The following PLXNA1 variants were observed in gnomAD, a reference collection of about 807,000 sequenced individuals.
The protein encoded by PLXNA1 is plexin A1.
A neutral mutation model predicts 191.7 loss-of-function variants in PLXNA1; 77 were observed. That is an observed-to-expected ratio of 0.40 (90% CI 0.33 to 0.49). The LOEUF (loss-of-function observed/expected upper bound fraction) is 0.49. PLXNA1 is among the 20% of genes least tolerant of loss of function. The pLI is 0.63. For missense variants in PLXNA1, 2,110 were observed against 2,660.2 expected (o/e 0.79, Z 4.55); for synonymous variants, 1,137 against 1,156.4 (o/e 0.98, Z 0.34).
chr3:127,007,284 C>G (rs574165256), intron 8 of PLXNA1, among the ~76,000 whole-genome samples: 1 of 152,162 alleles, frequency 6.6e-6, no homozygotes. Flanking sequence ...CTGGCAGACC[C>G]TGGGGTGTGT....
At position 127,005,159 on chromosome 3, in the gene PLXNA1, G is replaced by A. The variant is rs2079060043; in HGVS notation, c.1813G>A (p.Glu605Lys). The part of the protein sequence containing the change: ...GVNCSFEDFT[E>K]SESVLEDGRI... Reference sequence around the variant, plus strand: ...CAACTGCTCCTTCGAGGACTTCACGGAATCTGAGAGCGTCCTGGAGGATGG... The same window carrying A: ...CAACTGCTCCTTCGAGGACTTCACGAAATCTGAGAGCGTCCTGGAGGATGG... Residue 605 changes from glutamate (E) to lysine (K), a missense_variant, in exon 7 of 32, where the codon GAA becomes AAA. Physicochemically the swap from Glu to Lys is moderately conservative, Grantham distance 56 (BLOSUM62 1). This residue lies in a region of PLXNA1 where 903 missense variants were observed against 1,015.7 expected (regional missense o/e 0.89). Transcript: ENST00000393409. 6.2e-7 allele frequency: 1 copy of A among 1,612,684 alleles called. No homozygotes were observed. The highest frequency in any genetic ancestry group is 8.5e-7 in the Non-Finnish European group (1 of 1,179,914).
At position 127,028,995 on chromosome 3, in the gene PLXNA1, T is replaced by C. The variant is rs373357351; in HGVS notation, c.4672T>C (p.Trp1558Arg). 6.2e-7 allele frequency: 1 copy of C among 1,610,208 alleles called. No homozygotes were observed. Among genetic ancestry groups the C allele is most frequent in the Non-Finnish European group, 8.5e-7 (1 of 1,179,026 alleles). Residue 1558 changes from tryptophan (W) to arginine (R), a missense_variant and splice_region_variant, in exon 26 of 32, where the codon TGG becomes CGG. By Grantham distance (101) the Trp-to-Arg change is moderately radical (BLOSUM62 -3). Transcript: ENST00000393409. The stretch of plus-strand genomic sequence containing the variant: ...CCTCCAGCTCCCTCCTCCCCCAGAG[T>C]GGCGCCAGGGCCGCATGGCGCGCAT... ...RPKAADMDLE[W>R]RQGRMARIIL...
In PLXNA1 at chr3:127,029,516, C is replaced by T. The variant is rs945687076; in HGVS notation, c.4850C>T (p.Thr1617Ile). Reference protein sequence around the residue: ...AYNISNSSTFTKSLSRYESML... With the variant: ...AYNISNSSTFIKSLSRYESML... ...AACATCTCCAACTCCTCCACCTTCACCAAGTCCCTCAGCAGATACGGTGAG... is the reference window on the plus strand; with the variant it reads ...AACATCTCCAACTCCTCCACCTTCATCAAGTCCCTCAGCAGATACGGTGAG... Residue 1617 changes from threonine to isoleucine, a missense_variant, in exon 27 of 32, where the codon ACC becomes ATC. Around this residue, in one of 4 missense-constraint regions of PLXNA1, gnomAD observed 559 missense variants for 911.5 expected, o/e 0.61. Coordinates refer to ENST00000393409, the MANE Select transcript of PLXNA1 (RefSeq NM_032242.4). The T allele has an allele frequency of 6.2e-7, 1 of 1,613,922 alleles. No homozygotes were observed. The highest frequency in any genetic ancestry group is 8.5e-7 in the Non-Finnish European group (1 of 1,179,948).
Position 127,016,905 on chromosome 3 carries a change from G to T in PLXNA1, c.3183-39G>T, listed in dbSNP as rs1483605071. 1.9e-6 allele frequency: 3 copies of T among 1,544,298 alleles called. No homozygotes were observed. In the East Asian group the frequency reaches 6.7e-5, roughly 35 times the overall value. On this transcript the variant is annotated intron_variant, in intron 16 of 31. Transcript: ENST00000393409. The stretch of plus-strand genomic sequence containing the variant: ...CACGTTTCCAGCTCACTGGGCCCCA[G>T]CATCATTTGGTGACCCCCCCACCCC...
chr3:127,029,246 C>T, intron 26 of PLXNA1, 150 bp downstream of exon 26: 1 of 803,800 alleles, frequency 1.2e-6, no homozygotes. Context: ...TGTGGACCGT[C>T]CCAGGACTCG....
rs116342901 is a variant in PLXNA1 at position 126,991,494 on chromosome 3, C to G, written c.1305C>G (p.Thr435=). The change falls in exon 3 of 32, where the codon ACC becomes ACG. Residue 435 remains threonine (T), a synonymous_variant. Coordinates refer to ENST00000393409, the MANE Select transcript of PLXNA1 (RefSeq NM_032242.4). ...PLFVDKDDGL[T]AVAAYDYRGR... is the part of the protein sequence containing the mutation. ...TCGTGGACAAGGATGATGGCCTGAC[C>G]GCCGTGGCTGCCTATGACTATCGGG... 1 of 1,612,414 alleles carries G rather than the reference C, an allele frequency of 6.2e-7. No individual in the cohort carries two copies. Among genetic ancestry groups the G allele is most frequent in the South Asian group, 1.1e-5 (1 of 91,020 alleles).
intron 4 of PLXNA1, 99 bp downstream of exon 4, chr3:127,003,569 T>C (rs572282853): frequency 3.0e-6 from 4 of 1,323,196 alleles, no homozygotes; most frequent in Admixed American, 2.3e-5. Context: ...CATCACAAGT[T>C]GGGCGTCCAT....
chr3:126,989,859 G>A (rs905276184), intron 2 of PLXNA1, 72 bp downstream of exon 2: 1 of 1,312,978 alleles, frequency 7.6e-7, no homozygotes. Flanking sequence ...GGTGTCAGAT[G>A]CACGCCCAGT....
chr3:127,017,231 G>C (rs1219985414), intron 17 of PLXNA1, among the ~76,000 whole-genome samples, 194 bp downstream of exon 17: 2 of 152,362 alleles, frequency 1.3e-5, no homozygotes, highest in East Asian at 1.9e-4. Context: ...GCTCTGGGTT[G>C]CTGGCTGCAC....
At position 126,989,207 on chromosome 3, in the gene PLXNA1, G is replaced by T. The variant is rs147104661; in HGVS notation, c.614G>T (p.Arg205Leu). Residue 205 changes from arginine (R) to leucine (L), a missense_variant, in exon 2 of 32, where the codon CGG becomes CTG. Arg to Leu is a moderately radical substitution (Grantham distance 102). Around this residue, in one of 4 missense-constraint regions of PLXNA1, gnomAD observed 903 missense variants for 1,015.7 expected, o/e 0.89. Coordinates refer to ENST00000393409, the MANE Select transcript of PLXNA1 (RefSeq NM_032242.4). ...SEYFPTLSSR[R>L]LMANEEDADM... The stretch of plus-strand genomic sequence containing the variant: ...TACTTCCCCACACTGTCCAGCCGTC[G>T]GCTCATGGCCAACGAGGAGGATGCC... 1 of 1,613,624 alleles carries T rather than the reference G, an allele frequency of 6.2e-7. No individual in the cohort carries two copies. Among genetic ancestry groups the T allele is most frequent in the South Asian group, 1.1e-5 (1 of 91,088 alleles).
At chr3:127,022,646 G>A in intron 22 of PLXNA1, 106 bp from the exon 23 acceptor site, 2 of 961,180 alleles carry the variant, frequency 2.1e-6, no homozygotes, top group Non-Finnish European at 3.2e-6. Context: ...GGTGCTGTAG[G>A]AAGGGGGGCA....
Position 126,988,963 on chromosome 3 carries a change from G to A in PLXNA1, c.370G>A (p.Ala124Thr), listed in dbSNP as rs367975178. The A allele has an allele frequency of 2.5e-6, 4 of 1,613,198 alleles. No individual in the cohort carries two copies. Among genetic ancestry groups the A allele is most frequent in the East Asian group, 2.2e-5 (1 of 44,882 alleles). ...VNKLLLLDYAANRLLACGSAS... is the reference protein window; with the variant it reads ...VNKLLLLDYATNRLLACGSAS... Reference sequence around the variant, plus strand: ...CAAGCTGCTGCTGCTGGACTATGCCGCTAACCGCCTGCTGGCCTGTGGCAG... The same window carrying A: ...CAAGCTGCTGCTGCTGGACTATGCCACTAACCGCCTGCTGGCCTGTGGCAG... The change falls in exon 2 of 32, where the codon GCT becomes ACT. Residue 124 changes from alanine (A) to threonine (T), a missense_variant. Transcript: ENST00000393409.
Position 127,036,971 on chromosome 3 carries a change from G to C in PLXNA1, c.*2954G>C, listed in dbSNP as rs1330442446. The C allele has an allele frequency of 6.6e-6, 1 of 152,334 alleles. No homozygotes were observed. The highest frequency in any genetic ancestry group is 1.5e-5 in the Non-Finnish European group (1 of 68,056). 9.4% of individuals were successfully genotyped at this position (152,334 alleles called of 1,614,324 possible). A position where few individuals can be genotyped will look rare whatever the true frequency, so the allele number is the denominator to read the frequency against. On this transcript the variant is annotated 3_prime_UTR_variant, in exon 32 of 32. Transcript: ENST00000393409. Reference sequence around the variant, plus strand: ...AGGACCACTGGCCCCTTGGCCTGAGGGGCTGGGGGCCCCACGACCTGCAGC... The same window carrying C: ...AGGACCACTGGCCCCTTGGCCTGAGCGGCTGGGGGCCCCACGACCTGCAGC...
rs977545394 is a variant in PLXNA1, at chr3:126,983,294, C to T, written c.-74+7C>T. Among the ~76,000 whole-genome samples the T allele has an allele frequency of 7.0e-6, 1 of 142,082 alleles. No homozygotes were observed. The highest frequency in any genetic ancestry group is 1.6e-5 in the Non-Finnish European group (1 of 64,468). 93.2% of individuals were successfully genotyped at this position (142,082 alleles called of 152,430 possible). A position where few individuals can be genotyped will look rare whatever the true frequency, so the allele number is the denominator to read the frequency against. ...GCGCGCCCCGGGGCGGCGGGTGAGTCGGGGCGCAACTTTCCCCGCGGCGCG... is the reference window on the plus strand; with the variant it reads ...GCGCGCCCCGGGGCGGCGGGTGAGTTGGGGCGCAACTTTCCCCGCGGCGCG... On this transcript the variant is annotated splice_region_variant and intron_variant, in intron 1 of 31. Transcript: ENST00000393409.
In PLXNA1 at chr3:127,029,540, AG is replaced by A; in HGVS notation, c.4870+8del. ...ACCAAGTCCCTCAGCAGATACGGTG[AG>A]GGGCCAGGCAGCGGGCGAGAGGGCA... On this transcript the variant is annotated splice_donor_5th_base_variant and intron_variant, in intron 27 of 31. Coordinates refer to ENST00000393409, the MANE Select transcript of PLXNA1 (RefSeq NM_032242.4). The A allele has an allele frequency of 4.3e-6, 7 of 1,613,398 alleles. No individual in the cohort carries two copies. The highest frequency in any genetic ancestry group is 5.9e-6 in the Non-Finnish European group (7 of 1,179,708).
intron 20 of PLXNA1, among the ~76,000 whole-genome samples, 166 bp downstream of exon 20, chr3:127,018,694 G>C (rs992327935): frequency 6.6e-6 from 1 of 152,246 alleles, no homozygotes; most frequent in Middle Eastern, 3.2e-3. Flanking sequence ...GTGGGCGGGT[G>C]CCTGACCAGG....
chr3:127,031,763 G>C (rs2079212693), intron 29 of PLXNA1: 1 of 152,910 alleles, frequency 6.5e-6, no homozygotes, highest in African/African-American at 2.4e-5. Context: ...CAGGGACGCA[G>C]TGTCTCCAGG....
In PLXNA1 at chr3:127,036,526, C is replaced by A. The variant is rs1243852123; in HGVS notation, c.*2509C>A. ...TCAAGCCGACTACCTGTGCTGTCTA[C>A]TGGGACAGCAGTCTCCGAGCTACTC... On this transcript the variant is annotated 3_prime_UTR_variant, in exon 32 of 32. Coordinates refer to ENST00000393409, the MANE Select transcript of PLXNA1 (RefSeq NM_032242.4). 6.6e-6 allele frequency: 1 copy of A among 152,504 alleles called. No homozygotes were observed. The highest frequency in any genetic ancestry group is 1.5e-5 in the Non-Finnish European group (1 of 68,074). 9.4% of individuals were successfully genotyped at this position (152,504 alleles called of 1,614,324 possible).
Position 127,017,471 on chromosome 3 carries a change from C to T in PLXNA1, c.3323C>T (p.Ser1108Phe). Residue 1108 changes from serine to phenylalanine, a missense_variant, in exon 18 of 32, where the codon TCT becomes TTT. Physicochemically the swap from Ser to Phe is radical, Grantham distance 155 (BLOSUM62 -2). Around this residue, in one of 4 missense-constraint regions of PLXNA1, gnomAD observed 644 missense variants for 714.3 expected, o/e 0.90. Transcript: ENST00000393409. ...NDTTMVCRAPSVANPVRSPPE... is the reference protein window; with the variant it reads ...NDTTMVCRAPFVANPVRSPPE... ...ACCACCATGGTATGCCGCGCCCCGTCTGTGGCCAACCCTGTGCGCAGCCCA... is the reference window on the plus strand; with the variant it reads ...ACCACCATGGTATGCCGCGCCCCGTTTGTGGCCAACCCTGTGCGCAGCCCA... 1 of 1,613,424 alleles carries T rather than the reference C, an allele frequency of 6.2e-7. No individual in the cohort carries two copies. Among genetic ancestry groups the T allele is most frequent in the South Asian group, 1.1e-5 (1 of 91,082 alleles).
Sources: allele counts gnomAD v4.1 joint callset (sites outside exome capture counted in the v4.1 genomes callset), GRCh38; gene constraint gnomAD v4.1.1; regional missense constraint gnomAD v4.1.1; transcripts MANE v1.5; gene names NCBI Gene and HGNC (gene_info 2026-07-23, HGNC 2026-07-21).